The following FRMD4A variants were observed in gnomAD, a reference collection of about 807,000 sequenced individuals.
The protein encoded by FRMD4A is FERM domain containing 4A.
FRMD4A carries 29 observed loss-of-function variants against 129.1 expected under a neutral mutation model. That is an observed-to-expected ratio of 0.22 (90% CI 0.17 to 0.31). FRMD4A has a LOEUF of 0.31. Ranked by LOEUF, FRMD4A falls within the 10% of genes least tolerant of loss-of-function variation. The pLI is 1.00. For synonymous variants in FRMD4A, 634 were observed against 571.6 expected (o/e 1.11, Z -1.56); for missense variants, 1,272 against 1,375.8 (o/e 0.92, Z 1.19).
chr10:13,814,825 T>C (rs2093515316), intron 3 of FRMD4A, among the ~76,000 whole-genome samples: 1 of 151,948 alleles, frequency 6.6e-6, no homozygotes, highest in Non-Finnish European at 1.5e-5. Flanking sequence ...CATCACTCCA[T>C]AGAATGATTG....
chr10:14,308,526 G>A (rs1422244558), intron 2 of FRMD4A, among the ~76,000 whole-genome samples: 1 of 152,098 alleles, frequency 6.6e-6, no homozygotes, highest in Non-Finnish European at 1.5e-5. Flanking sequence ...AATACAACCT[G>A]CTTTCCTATG....
intron 4 of FRMD4A, among the ~76,000 whole-genome samples, chr10:13,801,492 C>T (rs571127365): frequency 7.2e-4 from 109 of 152,280 alleles, no homozygotes; most frequent in African/African-American, 2.6e-3. Context: ...CTGGAGTCCT[C>T]GGATTCTCTG....
At chr10:13,783,911 G>A (rs753166161) in intron 5 of FRMD4A, among the ~76,000 whole-genome samples, 11 of 152,182 alleles carry the variant, frequency 7.2e-5, no homozygotes, top group Non-Finnish European at 1.5e-4. Context: ...CACTAAATGT[G>A]CCTTTATAAT....
At chr10:13,920,207 A>C (rs543072558) in intron 2 of FRMD4A, among the ~76,000 whole-genome samples, 1 of 152,314 alleles carries the variant, frequency 6.6e-6, no homozygotes, top group African/African-American at 2.4e-5. Flanking sequence ...GTTAGATGGA[A>C]CAAAAAGATC....
intron 2 of FRMD4A, among the ~76,000 whole-genome samples, chr10:14,304,288 C>A (rs1846276643): frequency 6.6e-6 from 1 of 152,170 alleles, no homozygotes; most frequent in South Asian, 2.1e-4. Context: ...TAGATCCTTG[C>A]CAATACCTGC....
chr10:13,769,245 G>C (rs1218366217), intron 6 of FRMD4A, among the ~76,000 whole-genome samples: 1 of 151,696 alleles, frequency 6.6e-6, no homozygotes, highest in African/African-American at 2.4e-5. Context: ...GTGTGCGTAT[G>C]TGTGTGTACT....
chr10:13,669,544 C>G (rs2083345641), intron 17 of FRMD4A, among the ~76,000 whole-genome samples: 1 of 152,226 alleles, frequency 6.6e-6, no homozygotes, highest in East Asian at 1.9e-4. Flanking sequence ...TTCTCCCAAT[C>G]ACTTTCTTAA....
intron 2 of FRMD4A, among the ~76,000 whole-genome samples, chr10:14,229,539 G>T (rs1843564743): frequency 6.6e-6 from 1 of 152,090 alleles, no homozygotes; most frequent in Non-Finnish European, 1.5e-5. Flanking sequence ...CCATGCTCAG[G>T]AGATCCTCCC....
At chr10:13,986,309 A>C (rs1255747047) in intron 2 of FRMD4A, among the ~76,000 whole-genome samples, 1 of 151,664 alleles carries the variant, frequency 6.6e-6, no homozygotes, top group African/African-American at 2.4e-5. Flanking sequence ...ATGGAATACT[A>C]TGCAGCCATA....
At chr10:13,667,852 C>A (rs1291900810) in intron 17 of FRMD4A, 3 of 152,220 alleles carry the variant, frequency 2.0e-5, no homozygotes, top group African/African-American at 7.2e-5. Flanking sequence ...AAACCCAGGA[C>A]AAATGCATCG....
intron 12 of FRMD4A, among the ~76,000 whole-genome samples, chr10:13,731,174 GGA>G (rs890580837): frequency 2.0e-5 from 3 of 152,124 alleles, no homozygotes; most frequent in African/African-American, 7.2e-5. Flanking sequence ...CCATGACAAA[GGA>G]GAGAGGAGAG....
At chr10:14,117,415 C>T (rs1468494247) in intron 2 of FRMD4A, among the ~76,000 whole-genome samples, 1 of 152,214 alleles carries the variant, frequency 6.6e-6, no homozygotes, top group South Asian at 2.1e-4. Context: ...GACCAGTGCC[C>T]TCTACTTCTG....
chr10:14,035,703 T>G (rs1833466308), intron 2 of FRMD4A, among the ~76,000 whole-genome samples: 1 of 152,194 alleles, frequency 6.6e-6, no homozygotes, highest in Non-Finnish European at 1.5e-5. Context: ...GATCCAGCTG[T>G]ATTTTTATCT....
intron 2 of FRMD4A, among the ~76,000 whole-genome samples, chr10:14,270,975 G>T (rs75934494): frequency 0.011 from 1,615 of 152,266 alleles, 37 homozygotes; most frequent in African/African-American, 0.036. Flanking sequence ...GGCTGTACAG[G>T]AAGTGTAACA....
chr10:14,118,478 C>T (rs1213519285), intron 2 of FRMD4A, among the ~76,000 whole-genome samples: 2 of 152,176 alleles, frequency 1.3e-5, no homozygotes, highest in African/African-American at 2.4e-5. Context: ...TGTTTTCTGG[C>T]ACAGGCATTC....
At chr10:14,042,686 G>A (rs567375858) in intron 2 of FRMD4A, among the ~76,000 whole-genome samples, 203 of 152,092 alleles carry the variant, frequency 1.3e-3, no homozygotes, top group African/African-American at 4.8e-3. Flanking sequence ...AAAACAGGCC[G>A]GCGCAGTGGC....
At chr10:13,998,652 C>T (rs1028273683) in intron 2 of FRMD4A, among the ~76,000 whole-genome samples, 2 of 152,170 alleles carry the variant, frequency 1.3e-5, no homozygotes, top group African/African-American at 2.4e-5. Context: ...CTCAGGGGGC[C>T]GTTCTTGACT....
chr10:13,910,640 T>C (rs1284366009), intron 2 of FRMD4A, among the ~76,000 whole-genome samples: 1 of 152,240 alleles, frequency 6.6e-6, no homozygotes, highest in Non-Finnish European at 1.5e-5. Flanking sequence ...TGTATGCTGA[T>C]GAAAATTGTT....
In FRMD4A at chr10:13,682,735, C is replaced by T. The variant is rs1382763711; in HGVS notation, c.1118-7691G>A. On this transcript the variant is annotated intron_variant, in intron 15 of 24. Transcript: ENST00000357447. Reference sequence around the variant, plus strand: ...ATGTTGGTCAGGTTGGTCTTGAACTCCTGACCCTGTGATCCACCTGCCTCG... The same window carrying T: ...ATGTTGGTCAGGTTGGTCTTGAACTTCTGACCCTGTGATCCACCTGCCTCG... Among the ~76,000 whole-genome samples, 4 of 152,074 alleles carry T rather than the reference C, an allele frequency of 2.6e-5. No homozygotes were observed. The East Asian group carries it at 7.7e-4, about 29-fold the overall frequency.
Sources: allele counts gnomAD v4.1 joint callset (sites outside exome capture counted in the v4.1 genomes callset), GRCh38; gene constraint gnomAD v4.1.1; transcripts MANE v1.5; gene names NCBI Gene and HGNC (gene_info 2026-07-23, HGNC 2026-07-21).